Variants in FHOD3 observed in about 807,000 individuals in gnomAD.
FHOD3 encodes the protein FH1/FH2 domain-containing protein 3.
Under a neutral mutation model 173.0 loss-of-function variants are expected in FHOD3, and 90 were observed. The ratio of observed to expected loss-of-function variants is 0.52; its 90% CI spans 0.44 to 0.62. FHOD3 has a LOEUF of 0.62. FHOD3 is among the 20% of genes least tolerant of loss of function. FHOD3 has a pLI of 0.00. For missense variants in FHOD3, 1,945 were observed against 2,034.7 expected (o/e 0.96, Z 0.85); for synonymous variants, 828 against 823.0 (o/e 1.01, Z -0.10).
chr18:36,366,510 T>C (rs1174185667), intron 2 of FHOD3, among the ~76,000 whole-genome samples: 1 of 152,220 alleles, frequency 6.6e-6, no homozygotes, highest in African/African-American at 2.4e-5. Flanking sequence ...TATCTTATTT[T>C]ACAGACAATA....
At chr18:36,681,672 G>A in intron 15 of FHOD3, 102 bp downstream of exon 15, 2 of 1,328,434 alleles carry the variant, frequency 1.5e-6, no homozygotes, top group Non-Finnish European at 2.0e-6. Context: ...AGGAAGTAAT[G>A]AAAATTCTGT....
Position 36,652,773 on chromosome 18 carries a change from G to C in FHOD3, c.1490G>C (p.Arg497Pro). ...CTGTCACCCCCTGCCTCAGCTGCTC[G>C]GCCCTCCTCCGCCACACCAGGCTCC... Reference protein sequence around the residue: ...ALLSPPASAARPSSATPGSLK... With the variant: ...ALLSPPASAAPPSSATPGSLK... The change falls in exon 12 of 29, where the codon CGG (arginine) becomes CCG (proline). Residue 497 changes from arginine to proline, a missense_variant. Transcript: ENST00000590592. The C allele has an allele frequency of 6.5e-7, 1 of 1,535,864 alleles. No homozygotes were observed. The highest frequency in any genetic ancestry group is 8.7e-7 in the Non-Finnish European group (1 of 1,146,696).
At chr18:36,323,675 G>A (rs1163550553) in intron 1 of FHOD3, among the ~76,000 whole-genome samples, 1 of 152,190 alleles carries the variant, frequency 6.6e-6, no homozygotes, top group Non-Finnish European at 1.5e-5. Flanking sequence ...AAGCACTCCT[G>A]TCACCAAGAC....
At chr18:36,626,258 A>T (rs944604942) in intron 10 of FHOD3, among the ~76,000 whole-genome samples, 1 of 152,174 alleles carries the variant, frequency 6.6e-6, no homozygotes, top group African/African-American at 2.4e-5. Flanking sequence ...AGTCTGAAAC[A>T]TTTTTATTGA....
intron 2 of FHOD3, among the ~76,000 whole-genome samples, chr18:36,356,112 A>G (rs1249734806): frequency 6.6e-6 from 1 of 152,248 alleles, no homozygotes; most frequent in Non-Finnish European, 1.5e-5. Context: ...GTGAATAAAT[A>G]AATGGATATT....
At chr18:36,509,570 A>T (rs773501059) in intron 4 of FHOD3, among the ~76,000 whole-genome samples, 18 of 152,216 alleles carry the variant, frequency 1.2e-4, no homozygotes, top group Non-Finnish European at 1.8e-4. Context: ...GTTTAGAGAT[A>T]CATATTGGAA....
chr18:36,379,681 T>C (rs1405868923), intron 3 of FHOD3, among the ~76,000 whole-genome samples: 1 of 152,230 alleles, frequency 6.6e-6, no homozygotes, highest in Non-Finnish European at 1.5e-5. Flanking sequence ...ACATCAGTTA[T>C]ATGCAGAAAA....
In FHOD3 at chr18:36,645,827, T is replaced by G. The variant is rs1313197510; in HGVS notation, c.1197-3489T>G. Among the ~76,000 whole-genome samples, 5 of 152,136 alleles carry G rather than the reference T, an allele frequency of 3.3e-5. 1 individual carries two copies. The highest frequency in any genetic ancestry group is 2.0e-4 in the Admixed American group (3 of 15,282). On this transcript the variant is annotated intron_variant, in intron 10 of 28. Coordinates refer to ENST00000590592, the MANE Select transcript of FHOD3 (RefSeq NM_001281740.3). ...TAAAAAAGCAGTCTTCATAGCTCTT[T>G]AACAGAAAAAAGGAAAAATCATATG... is the stretch of plus-strand genomic sequence containing the variant.
At chr18:36,575,583 C>T (rs2058618503) in intron 5 of FHOD3, among the ~76,000 whole-genome samples, 1 of 151,848 alleles carries the variant, frequency 6.6e-6, no homozygotes, top group Non-Finnish European at 1.5e-5. Flanking sequence ...CTACTGTTAC[C>T]AGCATAAAAA....
intron 14 of FHOD3, among the ~76,000 whole-genome samples, chr18:36,677,423 A>G (rs1370638180): frequency 6.6e-6 from 1 of 152,196 alleles, no homozygotes; most frequent in Non-Finnish European, 1.5e-5. Flanking sequence ...TGCTGGGATT[A>G]CAGACATGAG....
intron 24 of FHOD3, among the ~76,000 whole-genome samples, chr18:36,752,295 C>T (rs796456802): frequency 6.6e-6 from 1 of 152,292 alleles, no homozygotes; most frequent in South Asian, 2.1e-4. Context: ...GCCTAGCAAA[C>T]TACAGCAATG....
intron 17 of FHOD3, among the ~76,000 whole-genome samples, chr18:36,694,820 G>T (rs771221086): frequency 6.6e-6 from 1 of 152,056 alleles, no homozygotes; most frequent in Non-Finnish European, 1.5e-5. Context: ...TGATGTTTGT[G>T]GCAAAAGACA....
At chr18:36,477,514 TCCATCCATCCATCCAC>T (rs1308845615) in intron 3 of FHOD3, among the ~76,000 whole-genome samples, 2 of 73,470 alleles carry the variant, frequency 2.7e-5, no homozygotes, top group African/African-American at 1.2e-4. Context: ...CATCCATCCA[TCCATCCATCCATCCAC>T]CCACCCACCC....
intron 2 of FHOD3, among the ~76,000 whole-genome samples, chr18:36,368,232 C>A (rs1031278182): frequency 6.6e-6 from 1 of 152,078 alleles, no homozygotes; most frequent in East Asian, 1.9e-4. Flanking sequence ...GCTGGAAATG[C>A]AGGTAGGATT....
intron 5 of FHOD3, among the ~76,000 whole-genome samples, chr18:36,520,667 A>T (rs749397370): frequency 6.6e-6 from 1 of 152,246 alleles, no homozygotes; most frequent in African/African-American, 2.4e-5. Context: ...GCTTCAGCTT[A>T]AAGAGCCATT....
intron 13 of FHOD3, among the ~76,000 whole-genome samples, chr18:36,654,399 C>T (rs533611147): frequency 1.3e-5 from 2 of 152,250 alleles, no homozygotes; most frequent in East Asian, 1.9e-4. Context: ...AGCCTGTCTA[C>T]AGTTTTTTTT....
At chr18:36,537,009 A>T (rs1023588863) in intron 5 of FHOD3, among the ~76,000 whole-genome samples, 2 of 152,234 alleles carry the variant, frequency 1.3e-5, no homozygotes, top group African/African-American at 4.8e-5. Flanking sequence ...ATCTGATGTG[A>T]TCTTGGTTTC....
chr18:36,571,295 A>G (rs1321693371), intron 5 of FHOD3, among the ~76,000 whole-genome samples: 1 of 152,236 alleles, frequency 6.6e-6, no homozygotes, highest in East Asian at 1.9e-4. Flanking sequence ...TGAACTACTT[A>G]TAATTTTGGC....
intron 3 of FHOD3, among the ~76,000 whole-genome samples, chr18:36,427,385 C>A (rs973923721): frequency 1.3e-5 from 2 of 151,788 alleles, no homozygotes; most frequent in Non-Finnish European, 2.9e-5. Flanking sequence ...TCTCTCATCA[C>A]CTCTCAGGCC....
Sources: allele counts gnomAD v4.1 joint callset (sites outside exome capture counted in the v4.1 genomes callset), GRCh38; gene constraint gnomAD v4.1.1; transcripts MANE v1.5; gene names NCBI Gene and HGNC (gene_info 2026-07-23, HGNC 2026-07-21).